Variants in THSD4 observed in about 807,000 individuals in gnomAD.
THSD4 encodes thrombospondin type-1 domain-containing protein 4.
Under a neutral mutation model 119.0 loss-of-function variants are expected in THSD4, and 69 were observed. The ratio of observed to expected loss-of-function variants is 0.58; its 90% CI spans 0.48 to 0.71. The LOEUF (loss-of-function observed/expected upper bound fraction) is 0.71. THSD4 is among the 30% of genes least tolerant of loss of function. The probability of loss-of-function intolerance (pLI) is 0.00; values close to 1 mark genes in which losing one functional copy is unlikely to be tolerated. For missense variants in THSD4, 1,393 were observed against 1,391.1 expected, an observed-to-expected ratio of 1.00 and a Z score of -0.02; for synonymous variants, 524 against 540.4, an observed-to-expected ratio of 0.97 and a Z score of 0.42.
chr15:71,326,357 ATGATAGTGGTGGTGATGATAACGG>A (rs1452250271), intron 6 of THSD4, among the ~76,000 whole-genome samples: 2 of 151,904 alleles, frequency 1.3e-5, no homozygotes, highest in South Asian at 2.1e-4. Context: ...GGTGGTGATG[ATGATAGTGGTGGTGATGATAACGG>A]TGATAGTGGT....
At chr15:71,586,630 C>T (rs1225855271) in intron 7 of THSD4, among the ~76,000 whole-genome samples, 1 of 152,174 alleles carries the variant, frequency 6.6e-6, no homozygotes, top group Admixed American at 6.5e-5. Context: ...AAAGAGAAAA[C>T]TATCTGCTTT....
At chr15:71,368,856 G>A (rs536824599) in intron 6 of THSD4, among the ~76,000 whole-genome samples, 1 of 152,114 alleles carries the variant, frequency 6.6e-6, no homozygotes, top group African/African-American at 2.4e-5. Context: ...ATGGCACTGA[G>A]TCTATAAATT....
chr15:71,609,799 C>T (rs1360701166), intron 7 of THSD4, among the ~76,000 whole-genome samples: 4 of 139,700 alleles, frequency 2.9e-5, no homozygotes, highest in Admixed American at 1.6e-4. Flanking sequence ...TTGCAGTGAG[C>T]GGAGATCATG....
chr15:71,192,838 A>C (rs995175743), intron 3 of THSD4, among the ~76,000 whole-genome samples: 4 of 151,998 alleles, frequency 2.6e-5, no homozygotes, highest in African/African-American at 9.7e-5. Flanking sequence ...ACCCTCGGGG[A>C]GCTGTTCTGC....
chr15:71,727,531 TAAAAAAAA>T (rs368424121), intron 8 of THSD4, among the ~76,000 whole-genome samples: 8,034 of 15,724 alleles, frequency 0.51, 2,169 homozygotes, highest in South Asian at 0.67. Context: ...CCCCATCTCT[TAAAAAAAA>T]AAAAAAAAAA....
intron 7 of THSD4, among the ~76,000 whole-genome samples, chr15:71,603,273 A>C (rs935800545): frequency 6.6e-6 from 1 of 152,170 alleles, no homozygotes; most frequent in Non-Finnish European, 1.5e-5. Context: ...AAAAGAAAAA[A>C]AACTCTCTGC....
intron 6 of THSD4, among the ~76,000 whole-genome samples, chr15:71,277,306 A>T (rs183481239): frequency 2.0e-5 from 3 of 151,894 alleles, no homozygotes; most frequent in African/African-American, 7.3e-5. Context: ...TTGTATTTGT[A>T]GTAGAGACAG....
At chr15:71,766,580 G>A (rs1235086506) in intron 16 of THSD4, 1 of 152,234 alleles carries the variant, frequency 6.6e-6, no homozygotes, top group African/African-American at 2.4e-5. Flanking sequence ...GGGAATGAAG[G>A]AGGTGGGTTG....
intron 8 of THSD4, among the ~76,000 whole-genome samples, chr15:71,727,097 G>A (rs11633926): frequency 0.54 from 82,265 of 151,690 alleles, 26,619 homozygotes; most frequent in East Asian, 0.81. Context: ...TTTCGTACCC[G>A]CCTCCTGAGT....
chr15:71,612,217 T>C (rs2050244079), intron 7 of THSD4, among the ~76,000 whole-genome samples: 1 of 152,092 alleles, frequency 6.6e-6, no homozygotes, highest in Non-Finnish European at 1.5e-5. Context: ...CTTTGTGCTT[T>C]TGTCAGTGTG....
At chr15:71,376,737 T>A (rs1312565467) in intron 6 of THSD4, among the ~76,000 whole-genome samples, 1 of 152,140 alleles carries the variant, frequency 6.6e-6, no homozygotes, top group Non-Finnish European at 1.5e-5. Context: ...AGCAAAGGCA[T>A]GAGGTCAGAA....
At chr15:71,651,612 A>G (rs1158763676) in intron 7 of THSD4, among the ~76,000 whole-genome samples, 4 of 151,602 alleles carry the variant, frequency 2.6e-5, no homozygotes, top group African/African-American at 9.7e-5. Flanking sequence ...TTTCTTGAAC[A>G]TTTTGGAAAT....
intron 4 of THSD4, among the ~76,000 whole-genome samples, chr15:71,220,530 T>G (rs112906776): frequency 6.6e-6 from 1 of 152,180 alleles, no homozygotes; most frequent in Non-Finnish European, 1.5e-5. Flanking sequence ...GTGGGGTTGT[T>G]GAATAATTCA....
rs1014224517 is a variant in THSD4, at chr15:71,168,700, T to C, written c.99+13768T>C. Among the ~76,000 whole-genome samples the C allele has an allele frequency of 1.4e-4, 22 of 152,198 alleles. 1 individual carries two copies. Among genetic ancestry groups the C allele is most frequent in the African/African-American group, 5.1e-4 (21 of 41,444 alleles). On this transcript the variant is annotated intron_variant, in intron 3 of 17. Coordinates refer to ENST00000261862, the MANE Select transcript of THSD4 (RefSeq NM_024817.3). ...CGTGATGGGTTACAGGCACTATTAATGCGGTAGGATGTGCAACCAGTGACT... is the reference window on the plus strand; with the variant it reads ...CGTGATGGGTTACAGGCACTATTAACGCGGTAGGATGTGCAACCAGTGACT...
At chr15:71,207,427 C>G (rs1037436868) in intron 3 of THSD4, among the ~76,000 whole-genome samples, 1 of 152,258 alleles carries the variant, frequency 6.6e-6, no homozygotes, top group Admixed American at 6.5e-5. Context: ...TTTGCTCGTT[C>G]CAGGAGCTGC....
chr15:71,518,923 T>C (rs965868049), intron 7 of THSD4, among the ~76,000 whole-genome samples: 2 of 152,142 alleles, frequency 1.3e-5, no homozygotes, highest in African/African-American at 4.8e-5. Flanking sequence ...GCATATGCCC[T>C]GGAGAGGAAA....
At chr15:71,206,189 T>G (rs1011681724) in intron 3 of THSD4, among the ~76,000 whole-genome samples, 1 of 152,180 alleles carries the variant, frequency 6.6e-6, no homozygotes, top group Non-Finnish European at 1.5e-5. Context: ...TTTTTGTATT[T>G]TTAGCAGAGA....
intron 7 of THSD4, among the ~76,000 whole-genome samples, chr15:71,544,204 C>T (rs1273877409): frequency 6.6e-6 from 1 of 152,112 alleles, no homozygotes; most frequent in African/African-American, 2.4e-5. Flanking sequence ...GCAGTGCTGT[C>T]ATTAAGAGTC....
intron 6 of THSD4, among the ~76,000 whole-genome samples, chr15:71,383,991 A>G (rs1345958226): frequency 2.0e-5 from 3 of 151,840 alleles, no homozygotes; most frequent in East Asian, 3.8e-4. Context: ...TGAGAGACCA[A>G]TTTAGTTCAA....
Sources: allele counts gnomAD v4.1 joint callset (sites outside exome capture counted in the v4.1 genomes callset), GRCh38; gene constraint gnomAD v4.1.1; transcripts MANE v1.5; gene names NCBI Gene and HGNC (gene_info 2026-07-23, HGNC 2026-07-21).